Variants in ULK4 observed in about 807,000 individuals in gnomAD.
ULK4 encodes unc-51 like kinase 4.
Under a neutral mutation model 160.6 loss-of-function variants are expected in ULK4, and 133 were observed. The ratio of observed to expected loss-of-function variants is 0.83; its 90% confidence interval spans 0.72 to 0.96. The LOEUF (loss-of-function observed/expected upper bound fraction) is 0.96. Ranked by LOEUF, ULK4 falls within the 40% of genes least tolerant of loss-of-function variation. The probability of loss-of-function intolerance (pLI) is 0.00; values close to 1 mark genes in which losing one functional copy is unlikely to be tolerated. For missense variants in ULK4, 1,580 were observed against 1,499.5 expected (o/e 1.05, Z -0.89); for synonymous variants, 534 against 539.8 (o/e 0.99, Z 0.15).
At chr3:41,319,581 A>C (rs2080210425) in intron 35 of ULK4, among the ~76,000 whole-genome samples, 1 of 152,254 alleles carries the variant, frequency 6.6e-6, no homozygotes, top group Non-Finnish European at 1.5e-5. Context: ...ACATGGTCAA[A>C]GTAGGATACC....
chr3:41,463,001 A>G (rs2083725684), intron 33 of ULK4, 86 bp downstream of exon 33: 2 of 1,456,856 alleles, frequency 1.4e-6, no homozygotes, highest in Admixed American at 1.9e-5. Flanking sequence ...TAAAGACACA[A>G]TAGAGGAAGA....
At chr3:41,555,969 T>C (rs1201032553) in intron 32 of ULK4, among the ~76,000 whole-genome samples, 1 of 152,118 alleles carries the variant, frequency 6.6e-6, no homozygotes, top group Non-Finnish European at 1.5e-5. Context: ...AAGTAGGAGC[T>C]AAATGATGAG....
intron 17 of ULK4, among the ~76,000 whole-genome samples, chr3:41,847,710 AAACCTC>A (rs1007596761): frequency 5.5e-5 from 8 of 144,520 alleles, no homozygotes; most frequent in African/African-American, 2.4e-4. Flanking sequence ...AGAACACTGT[AAACCTC>A]ATAATCCCCA....
chr3:41,851,353 G>C (rs1332434617), intron 17 of ULK4, among the ~76,000 whole-genome samples: 4 of 151,970 alleles, frequency 2.6e-5, no homozygotes, highest in African/African-American at 9.7e-5. Context: ...TTTTGTCTTT[G>C]GTTCTGTTTA....
In ULK4 at chr3:41,961,000, T is replaced by C. The variant is rs556890135; in HGVS notation, c.-49+1016A>G. Among the ~76,000 whole-genome samples, 59 of 152,250 alleles carry C rather than the reference T, an allele frequency of 3.9e-4. 1 individual carries two copies. Among genetic ancestry groups the C allele is most frequent in the African/African-American group, 1.3e-3 (55 of 41,556 alleles). On this transcript the variant is annotated intron_variant, in intron 1 of 36. Coordinates refer to ENST00000301831, the MANE Select transcript of ULK4 (RefSeq NM_017886.4). ...CCTGACTTTCGTAGTCATCACTTCC[T>C]TAGGTTTCTTCATGGTTTTCTCACT... is the stretch of plus-strand genomic sequence containing the variant.
intron 32 of ULK4, among the ~76,000 whole-genome samples, chr3:41,507,431 T>A (rs1221270738): frequency 6.6e-6 from 1 of 151,878 alleles, no homozygotes; most frequent in East Asian, 1.9e-4. Context: ...ATTAAAATTC[T>A]TTATTTCATG....
chr3:41,642,505 T>G (rs549629811), intron 30 of ULK4, among the ~76,000 whole-genome samples: 2 of 152,146 alleles, frequency 1.3e-5, no homozygotes, highest in Non-Finnish European at 2.9e-5. Context: ...CATGTCCCTA[T>G]AAAGGACATG....
At chr3:41,625,931 T>C (rs1404880192) in intron 30 of ULK4, among the ~76,000 whole-genome samples, 1 of 152,232 alleles carries the variant, frequency 6.6e-6, no homozygotes, top group Non-Finnish European at 1.5e-5. Context: ...TCCTTTATTT[T>C]AGCCAGCTAA....
intron 32 of ULK4, among the ~76,000 whole-genome samples, chr3:41,518,199 G>A (rs947680416): frequency 1.3e-5 from 2 of 152,156 alleles, no homozygotes. Context: ...TAGAGAAGAA[G>A]ACTGGATTAA....
chr3:41,705,067 T>G lies in ULK4; in HGVS notation c.2771A>C (p.Tyr924Ser). 2.5e-6 allele frequency: 4 copies of G among 1,611,260 alleles called. No homozygotes were observed. Among genetic ancestry groups the G allele is most frequent in the Non-Finnish European group, 3.4e-6 (4 of 1,179,188 alleles). Residue 924 changes from tyrosine to serine, a missense_variant, in exon 27 of 37, where the codon TAT (tyrosine) becomes TCT (serine). By Grantham distance (144) the Tyr-to-Ser change is moderately radical (BLOSUM62 -2). Coordinates refer to ENST00000301831, the MANE Select transcript of ULK4 (RefSeq NM_017886.4). ...GCTGCCAGAACTGACCGTGGAGCGA[T>G]AGTCTTTCAATAAAATAGGATACTG... ...IIQYPILLKD[Y>S]RSTVVDYILP...
At chr3:41,845,369 C>G (rs1382472954) in intron 17 of ULK4, among the ~76,000 whole-genome samples, 1 of 152,166 alleles carries the variant, frequency 6.6e-6, no homozygotes, top group Admixed American at 6.5e-5. Context: ...ATACATCCAA[C>G]AACCTAGATG....
At chr3:41,751,746 T>C (rs532692073) in intron 22 of ULK4, among the ~76,000 whole-genome samples, 1 of 152,280 alleles carries the variant, frequency 6.6e-6, no homozygotes, top group South Asian at 2.1e-4. Flanking sequence ...TTAGATAGCA[T>C]CATCAGAGTG....
intron 27 of ULK4, among the ~76,000 whole-genome samples, chr3:41,699,804 C>T (rs1325236336): frequency 2.0e-5 from 3 of 152,146 alleles, no homozygotes; most frequent in Non-Finnish European, 4.4e-5. Context: ...GAAAATTTCT[C>T]ATGAGTTATA....
chr3:41,511,223 T>C (rs1174852872), intron 32 of ULK4, among the ~76,000 whole-genome samples: 1 of 146,770 alleles, frequency 6.8e-6, no homozygotes, highest in Non-Finnish European at 1.5e-5. Context: ...AGGTCACACC[T>C]CACGAAACTA....
intron 19 of ULK4, among the ~76,000 whole-genome samples, chr3:41,812,147 G>A (rs149305891): frequency 0.029 from 4,452 of 152,140 alleles, 213 homozygotes; most frequent in African/African-American, 0.1. Context: ...TTAGCCAGGC[G>A]TGGTGGCACA....
intron 21 of ULK4, among the ~76,000 whole-genome samples, chr3:41,761,382 G>A (rs1002491912): frequency 7.5e-4 from 111 of 147,564 alleles, no homozygotes; most frequent in Non-Finnish European, 1.4e-3. Context: ...ACATATATTA[G>A]ATTTATTATA....
At chr3:41,731,098 T>A (rs1030167277) in intron 22 of ULK4, among the ~76,000 whole-genome samples, 3 of 150,746 alleles carry the variant, frequency 2.0e-5, no homozygotes, top group African/African-American at 2.4e-5. Flanking sequence ...GGAAAAAAAA[T>A]AAATGGAAAG....
chr3:41,903,500 A>G (rs1371937288), intron 12 of ULK4, among the ~76,000 whole-genome samples: 2 of 151,732 alleles, frequency 1.3e-5, no homozygotes, highest in Admixed American at 6.6e-5. Flanking sequence ...CAGGAGAATC[A>G]CTTGAACCCG....
chr3:41,502,322 A>G (rs1169306767), intron 32 of ULK4, among the ~76,000 whole-genome samples: 1 of 152,252 alleles, frequency 6.6e-6, no homozygotes, highest in South Asian at 2.1e-4. Context: ...CTAACAGCAT[A>G]CAAGTGTTCT....
Sources: allele counts gnomAD v4.1 joint callset (sites outside exome capture counted in the v4.1 genomes callset), GRCh38; gene constraint gnomAD v4.1.1; transcripts MANE v1.5; gene names NCBI Gene and HGNC (gene_info 2026-07-23, HGNC 2026-07-21).